AUTS2: variants seen among roughly 807,000 people sequenced by gnomAD.
AUTS2 encodes autism susceptibility gene 2 protein.
AUTS2 carries 17 observed loss-of-function variants against 112.4 expected under a neutral mutation model. That is an observed-to-expected ratio of 0.15 (90% CI 0.10 to 0.23). AUTS2 has a LOEUF of 0.23. AUTS2 is among the 10% of genes least tolerant of loss of function. AUTS2 has a pLI of 1.00. For missense variants in AUTS2, 1,510 were observed against 1,701.6 expected (o/e 0.89, Z 1.98); for synonymous variants, 751 against 702.7 (o/e 1.07, Z -1.09).
chr7:69,683,084 G>T (rs956337109), intron 1 of AUTS2, among the ~76,000 whole-genome samples: 1 of 152,208 alleles, frequency 6.6e-6, no homozygotes, highest in African/African-American at 2.4e-5. Flanking sequence ...TTGCTGGGGG[G>T]AATGCCGTAG....
chr7:70,421,134 G>T (rs552649988), intron 4 of AUTS2, among the ~76,000 whole-genome samples: 2 of 152,056 alleles, frequency 1.3e-5, no homozygotes, highest in Non-Finnish European at 2.9e-5. Context: ...AATTAAAAAA[G>T]AAAAAGGCAT....
intron 4 of AUTS2, among the ~76,000 whole-genome samples, chr7:70,391,987 C>T (rs1419389802): frequency 6.6e-6 from 1 of 152,174 alleles, no homozygotes; most frequent in African/African-American, 2.4e-5. Flanking sequence ...ACACCAGCCC[C>T]CACAGAGTGC....
At chr7:70,373,300 G>A (rs1162814155) in intron 4 of AUTS2, among the ~76,000 whole-genome samples, 4 of 151,982 alleles carry the variant, frequency 2.6e-5, no homozygotes, top group African/African-American at 4.8e-5. Context: ...TGTACAATAC[G>A]ATCTTATTAA....
At position 69,726,534 on chromosome 7, in the gene AUTS2, A is replaced by G. The variant is rs190012371; in HGVS notation, c.309+126572A>G. On this transcript the variant is annotated intron_variant, in intron 1 of 18. Transcript: ENST00000342771. The stretch of plus-strand genomic sequence containing the variant: ...AGTTTTTTTTTTTTTTGGCAGACAT[A>G]GGTCATGATTTTTTTTTAACGTAAG... Among the ~76,000 whole-genome samples the G allele has an allele frequency of 2.7e-5, 4 of 149,650 alleles. No individual in the cohort carries two copies. The East Asian group carries it at 7.8e-4, about 29-fold the overall frequency.
chr7:70,492,520 C>G (rs951134045), intron 5 of AUTS2, among the ~76,000 whole-genome samples: 2 of 152,170 alleles, frequency 1.3e-5, no homozygotes, highest in Non-Finnish European at 2.9e-5. Context: ...CTTACTGTAT[C>G]CTTACCACAA....
At chr7:70,094,673 G>A (rs749723809) in intron 2 of AUTS2, among the ~76,000 whole-genome samples, 3 of 152,266 alleles carry the variant, frequency 2.0e-5, no homozygotes, top group Non-Finnish European at 4.4e-5. Flanking sequence ...TGGCTCATTG[G>A]TAGGGTTGCA....
intron 4 of AUTS2, among the ~76,000 whole-genome samples, chr7:70,358,609 C>G (rs960241834): frequency 2.0e-5 from 3 of 152,180 alleles, no homozygotes; most frequent in Admixed American, 1.3e-4. Context: ...CAGCTTAGGC[C>G]ATCTGGGAAG....
At chr7:69,787,338 A>G (rs1294861029) in intron 1 of AUTS2, among the ~76,000 whole-genome samples, 2 of 152,152 alleles carry the variant, frequency 1.3e-5, no homozygotes, top group East Asian at 3.9e-4. Flanking sequence ...AAATCTAGAC[A>G]CTCTTTTTCT....
At chr7:70,336,286 C>T (rs1790986454) in intron 4 of AUTS2, among the ~76,000 whole-genome samples, 2 of 137,596 alleles carry the variant, frequency 1.5e-5, no homozygotes, top group African/African-American at 5.7e-5. Flanking sequence ...AGCTGCACCC[C>T]CTCCACCCCA....
At chr7:69,863,094 T>A (rs1793066023) in intron 1 of AUTS2, among the ~76,000 whole-genome samples, 1 of 152,170 alleles carries the variant, frequency 6.6e-6, no homozygotes, top group African/African-American at 2.4e-5. Context: ...AGGGTGTACA[T>A]TCTTACATAC....
At chr7:70,238,431 G>A (rs1301219284) in intron 4 of AUTS2, among the ~76,000 whole-genome samples, 2 of 152,174 alleles carry the variant, frequency 1.3e-5, no homozygotes, top group African/African-American at 4.8e-5. Context: ...TCATGTGGCT[G>A]CCCCTCTTAG....
At chr7:70,384,577 G>A (rs1387652895) in intron 4 of AUTS2, among the ~76,000 whole-genome samples, 2 of 152,138 alleles carry the variant, frequency 1.3e-5, no homozygotes, top group Admixed American at 6.5e-5. Flanking sequence ...TGCTGTGCAC[G>A]GCGCCAACGG....
intron 6 of AUTS2, among the ~76,000 whole-genome samples, chr7:70,715,848 T>A (rs541314378): frequency 6.6e-6 from 1 of 152,310 alleles, no homozygotes; most frequent in Admixed American, 6.5e-5. Flanking sequence ...CTGTCTTTTA[T>A]TGAAGTTGTA....
chr7:70,757,156 G>T (rs370860010), intron 6 of AUTS2, among the ~76,000 whole-genome samples: 2 of 152,288 alleles, frequency 1.3e-5, no homozygotes, highest in African/African-American at 4.8e-5. Context: ...GCAATTTTGT[G>T]GGGGAAGCCA....
chr7:69,638,550 C>G (rs1794655229), intron 1 of AUTS2, among the ~76,000 whole-genome samples: 1 of 152,188 alleles, frequency 6.6e-6, no homozygotes, highest in Non-Finnish European at 1.5e-5. Context: ...ATTTCCCTAA[C>G]TCCTCTTTTT....
intron 5 of AUTS2, among the ~76,000 whole-genome samples, chr7:70,531,782 C>T (rs1408332843): frequency 1.3e-5 from 2 of 152,224 alleles, no homozygotes; most frequent in South Asian, 2.1e-4. Context: ...GGACAAATAT[C>T]CAAACCATAT....
intron 5 of AUTS2, among the ~76,000 whole-genome samples, chr7:70,548,133 C>T (rs779639684): frequency 2.6e-4 from 39 of 152,078 alleles, no homozygotes; most frequent in Non-Finnish European, 5.1e-4. Context: ...ATCACCTTGT[C>T]GATTTCTACC....
At position 70,348,068 on chromosome 7, in the gene AUTS2, G is replaced by C. The variant is rs188732882; in HGVS notation, c.661-87684G>C. 3.5e-3 allele frequency among the ~76,000 whole-genome samples: 540 copies of C among 152,284 alleles called. 3 individuals are homozygous for C. Among genetic ancestry groups the C allele is most frequent in the Middle Eastern group, 0.02 (6 of 294 alleles). ...AGTGGTTTAAGGGTCAGAGGGAAGG[G>C]AAATGAAAGCCTTGGAGGATTTCAG... On this transcript the variant is annotated intron_variant, in intron 4 of 18. Transcript: ENST00000342771.
intron 1 of AUTS2, among the ~76,000 whole-genome samples, chr7:69,852,969 C>T (rs993044263): frequency 5.9e-5 from 9 of 151,872 alleles, no homozygotes; most frequent in African/African-American, 2.2e-4. Context: ...TTATTTATGT[C>T]TGCTTTTCTT....
Sources: gnomAD v4.1 joint callset for allele counts (sites outside exome capture counted in the v4.1 genomes callset) on GRCh38, gnomAD v4.1.1 for gene constraint, MANE v1.5 for transcripts, NCBI Gene and HGNC (gene_info 2026-07-23, HGNC 2026-07-21) for gene names.